The following IFT46 variants were observed in gnomAD, a reference collection of about 807,000 sequenced individuals.
IFT46 encodes the protein intraflagellar transport 46.
IFT46 carries 19 observed loss-of-function variants against 39.6 expected under a neutral mutation model. The observed-to-expected ratio is 0.48, with a 90% CI of 0.33 to 0.70. The LOEUF is 0.70. Ranked by LOEUF, IFT46 falls within the 30% of genes least tolerant of loss-of-function variation. IFT46 has a pLI of 0.01. For missense variants in IFT46, 334 were observed against 364.8 expected (o/e 0.92, Z 0.69); for synonymous variants, 117 against 134.8 (o/e 0.87, Z 0.91).
chr11:118,567,762 G>A (rs1555071764), upstream of IFT46, among the ~76,000 whole-genome samples: 1 of 152,192 alleles, frequency 6.6e-6, no homozygotes, highest in African/African-American at 2.4e-5. Context: ...TCGTAATAGT[G>A]GATATGTAAT....
At chr11:118,549,628 G>A (rs79000353) in intron 9 of IFT46, among the ~76,000 whole-genome samples, 2,467 of 150,982 alleles carry the variant, frequency 0.016, 54 homozygotes, top group South Asian at 0.085. Context: ...AGGTTCAAGC[G>A]ATTCTCCTGG....
chr11:118,572,500 AT>A, intron 1 of IFT46: 1 of 1,608,788 alleles, frequency 6.2e-7, no homozygotes. Flanking sequence ...CCCTACCCCT[AT>A]CCCCAGTGGA....
upstream of IFT46, among the ~76,000 whole-genome samples, chr11:118,570,284 T>C (rs1420343534): frequency 6.6e-6 from 1 of 151,092 alleles, no homozygotes; most frequent in Non-Finnish European, 1.5e-5. Context: ...ATGGTCTCGA[T>C]CTCTTGACCT....
At chr11:118,551,444 AAGG>A (rs1422363102) in intron 9 of IFT46, among the ~76,000 whole-genome samples, 3 of 151,930 alleles carry the variant, frequency 2.0e-5, no homozygotes, top group Non-Finnish European at 4.4e-5. Flanking sequence ...GAGGCTGAGG[AAGG>A]AGGACTGCTT....
At chr11:118,559,640 G>T in intron 3 of IFT46, 145 bp downstream of exon 3, 1 of 704,096 alleles carries the variant, frequency 1.4e-6, no homozygotes, top group Non-Finnish European at 2.6e-6. Context: ...AAGGCTCTTT[G>T]TAACTGATTT....
intron 2 of IFT46, among the ~76,000 whole-genome samples, chr11:118,562,545 C>CA (rs140046721): frequency 0.15 from 23,468 of 152,080 alleles, 2,284 homozygotes; most frequent in East Asian, 0.49. Context: ...GCAAATTAAA[C>CA]CCTTTTTTTA....
upstream of IFT46, among the ~76,000 whole-genome samples, chr11:118,573,216 G>A (rs532871784): frequency 3.3e-5 from 5 of 152,250 alleles, no homozygotes; most frequent in South Asian, 1.0e-3. Flanking sequence ...AGACCACTGG[G>A]AAAATGTGAG....
At chr11:118,559,152 G>A (rs1366555881) in intron 3 of IFT46, among the ~76,000 whole-genome samples, 4 of 151,882 alleles carry the variant, frequency 2.6e-5, no homozygotes, top group African/African-American at 7.3e-5. Flanking sequence ...ACAGGAGTGC[G>A]CCACCACACC....
intron 9 of IFT46, chr11:118,546,505 G>T: frequency 4.7e-6 from 1 of 213,254 alleles, no homozygotes; most frequent in Non-Finnish European, 9.5e-6. Flanking sequence ...AGGAAGGAAG[G>T]GAGGGAGGGA....
chr11:118,561,455 C>T, intron 2 of IFT46: 1 of 788,314 alleles, frequency 1.3e-6, no homozygotes, highest in Non-Finnish European at 2.2e-6. Flanking sequence ...TGAAAAGAGG[C>T]CCAAGAAAGA....
intron 2 of IFT46, among the ~76,000 whole-genome samples, chr11:118,564,532 G>C (rs531521491): frequency 1.3e-5 from 2 of 152,166 alleles, no homozygotes; most frequent in Non-Finnish European, 2.9e-5. Flanking sequence ...GTAACATAGC[G>C]AGGCCTCGTC....
intron 10 of IFT46, 132 bp from the exon 11 acceptor site, chr11:118,545,626 T>C: frequency 9.5e-7 from 1 of 1,054,804 alleles, no homozygotes. Context: ...ACCCAGCAGG[T>C]AGTCACATAA....
intron 9 of IFT46, among the ~76,000 whole-genome samples, chr11:118,548,992 G>A (rs1158661255): frequency 6.6e-6 from 1 of 151,382 alleles, no homozygotes; most frequent in South Asian, 2.1e-4. Flanking sequence ...CCCCTCCTGG[G>A]TTCAAGAGAT....
chr11:118,552,104 C>G (rs1937661163), intron 8 of IFT46, 110 bp downstream of exon 8: 4 of 1,340,218 alleles, frequency 3.0e-6, no homozygotes, highest in South Asian at 1.3e-5. Context: ...CACAGGACCT[C>G]AGGTTGATCA....
chr11:118,553,345 G>A (rs1555068839), intron 7 of IFT46, among the ~76,000 whole-genome samples: 1 of 151,698 alleles, frequency 6.6e-6, no homozygotes, highest in African/African-American at 2.4e-5. Flanking sequence ...GGAGGCTGAG[G>A]CAGGAAAATC....
At chr11:118,550,125 T>C (rs1951779318) in intron 9 of IFT46, among the ~76,000 whole-genome samples, 1 of 151,014 alleles carries the variant, frequency 6.6e-6, no homozygotes, top group African/African-American at 2.4e-5. Context: ...TTAGTAGAGA[T>C]GGGGTTTCGC....
At chr11:118,560,774 G>C (rs1368231280) in intron 2 of IFT46, 3 of 713,294 alleles carry the variant, frequency 4.2e-6, no homozygotes, top group Non-Finnish European at 7.6e-6. Context: ...GGGTAAAACT[G>C]GTTACTATCC....
In IFT46 at chr11:118,555,000, G is replaced by A. The variant is rs1555069188; in HGVS notation, c.344C>T (p.Ala115Val). ...ATGTACTGACTATACCTTTAAGAAT[G>A]CATCAATATCCCCGACAGCTGGGAT... is the stretch of plus-strand genomic sequence containing the variant. The part of the protein sequence containing the change: ...DFIPAVGDID[A>V]FLKVPRPDGK... The change falls in exon 6 of 12, where the codon GCA becomes GTA. Residue 115 changes from alanine to valine, a missense_variant. Coordinates refer to ENST00000264021, the MANE Select transcript of IFT46 (RefSeq NM_001168618.2). 1 of 1,608,902 alleles carries A rather than the reference G, an allele frequency of 6.2e-7. No homozygotes were observed. Among genetic ancestry groups the A allele is most frequent in the Non-Finnish European group, 8.5e-7 (1 of 1,175,222 alleles).
intron 2 of IFT46, chr11:118,561,082 G>A: frequency 6.6e-7 from 1 of 1,526,394 alleles, no homozygotes; most frequent in Admixed American, 1.7e-5. Flanking sequence ...AATACAATGT[G>A]GAAAGCATTG....
Sources: gnomAD v4.1 joint callset for allele counts (sites outside exome capture counted in the v4.1 genomes callset) on GRCh38, gnomAD v4.1.1 for gene constraint, MANE v1.5 for transcripts, NCBI Gene and HGNC (gene_info 2026-07-23, HGNC 2026-07-21) for gene names.